The following PAXIP1 variants were observed in gnomAD, a reference collection of about 807,000 sequenced individuals.
PAXIP1 encodes the protein PAX interacting protein 1, also known as PAX-interacting protein 1.
A neutral mutation model predicts 140.6 loss-of-function variants in PAXIP1; 19 were observed. The ratio of observed to expected loss-of-function variants is 0.14; its 90% CI spans 0.09 to 0.20. The LOEUF (loss-of-function observed/expected upper bound fraction) is 0.20. PAXIP1 is among the 10% of genes least tolerant of loss of function. The probability of loss-of-function intolerance (pLI) is 1.00; values close to 1 mark genes in which losing one functional copy is unlikely to be tolerated. For missense variants in PAXIP1, 920 were observed against 1,208.6 expected, an observed-to-expected ratio of 0.76 and a Z score of 3.54; for synonymous variants, 442 against 444.6, an observed-to-expected ratio of 0.99 and a Z score of 0.07.
rs1180267941 is a variant in PAXIP1 at position 154,954,333 on chromosome 7, G to A, written c.2743C>T (p.Leu915=). ...TGCTTCACGACAGAAATCGCCGTCA[G>A]GAACTTCACGGTGCGAGTCACTTTG... ...ASKVTRTVKF[L]TAISVVKHIV... Residue 915 remains leucine, a synonymous_variant, in exon 16 of 21, where the codon CTG becomes TTG. Coordinates refer to ENST00000404141, the MANE Select transcript of PAXIP1 (RefSeq NM_007349.4). This position sits in a 1 kb window ranked among gnomAD's most constrained non-coding sequence, Gnocchi z 5.1. 1 of 1,606,046 alleles carries A rather than the reference G, an allele frequency of 6.2e-7. No homozygotes were observed. The highest frequency in any genetic ancestry group is 1.3e-5 in the African/African-American group (1 of 74,926).
At chr7:154,952,939 A>C (rs1332048585) in intron 16 of PAXIP1, among the ~76,000 whole-genome samples, 1 of 152,236 alleles carries the variant, frequency 6.6e-6, no homozygotes, top group Non-Finnish European at 1.5e-5. Context: ...CAGCAATCTT[A>C]AGTATCTTTA....
In PAXIP1 at chr7:154,954,552, A is replaced by T. The variant is rs1381515196; in HGVS notation, c.2653-129T>A. 3.8e-6 allele frequency: 2 copies of T among 519,912 alleles called. No individual in the cohort carries two copies. The highest frequency in any genetic ancestry group is 7.0e-5 in the East Asian group (2 of 28,552). The allele number at this position is 519,912 out of a possible 1,614,324, so 32.2% of individuals were successfully genotyped here. Reference sequence around the variant, plus strand: ...TGACTGTAATTCTCAGCCACAGAAAACAGTGTGACAGGTAAAACAAAACCT... The same window carrying T: ...TGACTGTAATTCTCAGCCACAGAAATCAGTGTGACAGGTAAAACAAAACCT... On this transcript the variant is annotated intron_variant, in intron 15 of 20. Coordinates refer to ENST00000404141, the MANE Select transcript of PAXIP1 (RefSeq NM_007349.4). This position sits in a 1 kb window ranked among gnomAD's most constrained non-coding sequence, Gnocchi z 5.1.
intron 2 of PAXIP1, among the ~76,000 whole-genome samples, chr7:154,998,184 T>G (rs1359715733): frequency 4.8e-4 from 73 of 152,192 alleles, no homozygotes; most frequent in Non-Finnish European, 4.4e-5. Flanking sequence ...GTTAAAGATG[T>G]CCACAGTTAT....
chr7:154,972,138 A>G (rs902039959), intron 6 of PAXIP1, among the ~76,000 whole-genome samples: 1 of 152,210 alleles, frequency 6.6e-6, no homozygotes, highest in African/African-American at 2.4e-5. Context: ...TTGTCTCTAT[A>G]TCCAAATACA....
At chr7:154,981,646 GT>G (rs1377520680) in intron 5 of PAXIP1, among the ~76,000 whole-genome samples, 1 of 151,992 alleles carries the variant, frequency 6.6e-6, no homozygotes, top group Non-Finnish European at 1.5e-5. Context: ...TGTAATTATA[GT>G]AGCATATTTG....
chr7:154,959,962 G>A (rs1808686035), intron 12 of PAXIP1, 29 bp from the exon 13 acceptor site: 2 of 1,482,482 alleles, frequency 1.3e-6, no homozygotes, highest in Non-Finnish European at 1.9e-6. Context: ...TATTTTTTAT[G>A]ATAGATACGT....
At position 154,956,854 on chromosome 7, in the gene PAXIP1, C is replaced by T. The variant is rs535098518; in HGVS notation, c.2549+370G>A. On this transcript the variant is annotated intron_variant, in intron 14 of 20. Coordinates refer to ENST00000404141, the MANE Select transcript of PAXIP1 (RefSeq NM_007349.4). The surrounding 1 kb of genome is among the most constrained non-coding windows in gnomAD (Gnocchi z 4.2). ...CTACATGCTCTCTCGGCAGCCTACA[C>T]GCTCTCTTGGCATGTACAGCAGGTT... The T allele has an allele frequency of 9.5e-5, 16 of 168,926 alleles. No individual in the cohort carries two copies. Among genetic ancestry groups the T allele is most frequent in the African/African-American group, 3.8e-4 (16 of 41,830 alleles). The allele number at this position is 168,926 out of a possible 1,614,324, so 10.5% of individuals were successfully genotyped here.
chr7:154,989,984 G>A (rs1296398188), intron 4 of PAXIP1, among the ~76,000 whole-genome samples: 1 of 150,496 alleles, frequency 6.6e-6, no homozygotes, highest in African/African-American at 2.4e-5. Context: ...ATCAATAAAT[G>A]TAGGCACCTT....
chr7:154,964,372 T>C (rs926248585), intron 8 of PAXIP1: 1 of 152,200 alleles, frequency 6.6e-6, no homozygotes, highest in African/African-American at 2.4e-5. Flanking sequence ...ATATTGTACA[T>C]GGAAAAAGGA....
intron 2 of PAXIP1, among the ~76,000 whole-genome samples, chr7:154,995,706 C>T (rs1170359993): frequency 2.6e-5 from 4 of 152,022 alleles, no homozygotes; most frequent in Admixed American, 6.5e-5. Context: ...AAAAGTTAGC[C>T]GGGCGTGGTG....
chr7:154,947,047 A>G, intron 17 of PAXIP1: 1 of 405,924 alleles, frequency 2.5e-6, no homozygotes, highest in Non-Finnish European at 4.4e-6. Context: ...GATTTAAAGT[A>G]ACCAGAACTT....
intron 3 of PAXIP1, among the ~76,000 whole-genome samples, chr7:154,992,417 C>G (rs530373900): frequency 6.6e-6 from 1 of 152,226 alleles, no homozygotes; most frequent in Admixed American, 6.5e-5. Context: ...CGTGGTGGCG[C>G]ATGCCTGTAG....
intron 4 of PAXIP1, among the ~76,000 whole-genome samples, chr7:154,985,108 G>C (rs1299320248): frequency 1.3e-5 from 2 of 152,150 alleles, no homozygotes; most frequent in African/African-American, 2.4e-5. Flanking sequence ...CTCATTTAAT[G>C]AATCTCCACC....
intron 6 of PAXIP1, among the ~76,000 whole-genome samples, chr7:154,971,394 C>CG (rs1280740956): frequency 6.6e-6 from 1 of 152,236 alleles, no homozygotes; most frequent in Non-Finnish European, 1.5e-5. Context: ...ACAAGAGTCC[C>CG]GGCTAGGAAT....
chr7:154,956,771 C>T lies in PAXIP1; in HGVS notation c.2549+453G>A, dbSNP rs1174431968. On this transcript the variant is annotated intron_variant, in intron 14 of 20. Coordinates refer to ENST00000404141, the MANE Select transcript of PAXIP1 (RefSeq NM_007349.4). The surrounding 1 kb of genome is among the most constrained non-coding windows in gnomAD (Gnocchi z 4.2). The stretch of plus-strand genomic sequence containing the variant: ...AGCATACCCAAGATGACGCCACAGC[C>T]TACATGCTCTCTCGGCACCTACATG... 1.9e-5 allele frequency: 3 copies of T among 154,312 alleles called. No homozygotes were observed. The highest frequency in any genetic ancestry group is 6.5e-5 in the Admixed American group (1 of 15,304). 9.6% of individuals were successfully genotyped at this position (154,312 alleles called of 1,614,324 possible). A position where few individuals can be genotyped will look rare whatever the true frequency, so the allele number is the denominator to read the frequency against.
intron 13 of PAXIP1, among the ~76,000 whole-genome samples, chr7:154,958,300 T>G (rs1808618401): frequency 6.6e-6 from 1 of 152,238 alleles, no homozygotes; most frequent in African/African-American, 2.4e-5. Flanking sequence ...TATTCCTTGT[T>G]GACTCCTCCT....
chr7:154,961,719 A>G, intron 10 of PAXIP1, 71 bp from the exon 11 acceptor site: 1 of 1,268,792 alleles, frequency 7.9e-7, no homozygotes. Context: ...TATTTCTTCT[A>G]CTTCTTAGTT....
chr7:154,984,995 C>T (rs909856270), intron 4 of PAXIP1, among the ~76,000 whole-genome samples: 1 of 152,100 alleles, frequency 6.6e-6, no homozygotes, highest in Non-Finnish European at 1.5e-5. Context: ...GGCATTAATA[C>T]GACGCCTCCA....
At position 154,998,927 on chromosome 7, in the gene PAXIP1, T is replaced by A. The variant is rs1021330945; in HGVS notation, c.82-143A>T. 19 of 723,236 alleles carry A rather than the reference T, an allele frequency of 2.6e-5. No homozygotes were observed. The Middle Eastern group carries it at 2.3e-3, about 87-fold the overall frequency. The allele number at this position is 723,236 out of a possible 1,614,324, so 44.8% of individuals were successfully genotyped here. Reference sequence around the variant, plus strand: ...CACATAAAAACTAACAGCCTTTTACTCTGAATAATATGCCAATGAAACTTT... The same window carrying A: ...CACATAAAAACTAACAGCCTTTTACACTGAATAATATGCCAATGAAACTTT... On this transcript the variant is annotated intron_variant, in intron 1 of 20. Coordinates refer to ENST00000404141, the MANE Select transcript of PAXIP1 (RefSeq NM_007349.4).
Sources: allele counts gnomAD v4.1 joint callset (sites outside exome capture counted in the v4.1 genomes callset), GRCh38; gene constraint gnomAD v4.1.1; non-coding constraint Gnocchi (gnomAD v3.1); transcripts MANE v1.5; gene names NCBI Gene and HGNC (gene_info 2026-07-23, HGNC 2026-07-21).